PLPPR1: variants seen among roughly 807,000 people sequenced by gnomAD.
PLPPR1 encodes phospholipid phosphatase related 1, also known as phospholipid phosphatase-related protein type 1.
A neutral mutation model predicts 33.1 loss-of-function variants in PLPPR1; 10 were observed. The observed-to-expected ratio is 0.30, with a 90% CI of 0.19 to 0.51. The LOEUF is 0.51. Among genes scored for constraint, PLPPR1 ranks in the 20% least tolerant of loss-of-function variants. PLPPR1 has a pLI of 0.97. For missense variants in PLPPR1, 304 were observed against 408.1 expected (o/e 0.74, Z 2.20); for synonymous variants, 151 against 151.0 (o/e 1.00, Z 0.00).
chr9:101,113,540 A>T (rs1831082681), intron 1 of PLPPR1, among the ~76,000 whole-genome samples: 1 of 152,200 alleles, frequency 6.6e-6, no homozygotes, highest in Admixed American at 6.5e-5. Context: ...CTACAATTAC[A>T]TTCCTAATAG....
chr9:101,115,812 G>A (rs1181131445), intron 1 of PLPPR1, among the ~76,000 whole-genome samples: 1 of 152,088 alleles, frequency 6.6e-6, no homozygotes, highest in African/African-American at 2.4e-5. Flanking sequence ...TTTAATGAAA[G>A]GGATTTCTTG....
intron 1 of PLPPR1, among the ~76,000 whole-genome samples, chr9:101,110,639 T>G (rs1258540084): frequency 1.3e-5 from 2 of 152,194 alleles, no homozygotes; most frequent in Non-Finnish European, 2.9e-5. Context: ...TATAATGTCC[T>G]GATAGTGAAT....
chr9:101,237,881 T>C (rs1247126190), intron 2 of PLPPR1, among the ~76,000 whole-genome samples: 5 of 139,392 alleles, frequency 3.6e-5, no homozygotes, highest in African/African-American at 1.3e-4. Context: ...CACACATATA[T>C]ATATACACAC....
chr9:101,124,444 C>G (rs1831219419), intron 1 of PLPPR1, among the ~76,000 whole-genome samples: 1 of 152,168 alleles, frequency 6.6e-6, no homozygotes, highest in Admixed American at 6.5e-5. Flanking sequence ...TTTCAGCTTC[C>G]TGTGCGGTTT....
intron 1 of PLPPR1, among the ~76,000 whole-genome samples, chr9:101,072,678 A>C (rs1299465142): frequency 6.6e-6 from 1 of 152,134 alleles, no homozygotes; most frequent in Admixed American, 6.6e-5. Context: ...CAAATAATAC[A>C]TTTTTCAAAT....
intron 1 of PLPPR1, among the ~76,000 whole-genome samples, chr9:101,038,266 CT>C (rs1335992017): frequency 6.6e-6 from 1 of 152,064 alleles, no homozygotes; most frequent in Non-Finnish European, 1.5e-5. Flanking sequence ...ATGACTGTTG[CT>C]TTCCATCTTA....
chr9:101,157,137 C>G (rs931400733), intron 1 of PLPPR1, among the ~76,000 whole-genome samples: 8 of 152,164 alleles, frequency 5.3e-5, no homozygotes, highest in Non-Finnish European at 1.0e-4. Context: ...ATGACAGATT[C>G]TAAATACCTA....
chr9:101,226,138 T>G (rs1827063190), intron 2 of PLPPR1, among the ~76,000 whole-genome samples: 1 of 152,178 alleles, frequency 6.6e-6, no homozygotes, highest in Non-Finnish European at 1.5e-5. Flanking sequence ...CTGCTTGCAC[T>G]ATGAACAAGT....
intron 1 of PLPPR1, among the ~76,000 whole-genome samples, chr9:101,117,305 C>T (rs1236060289): frequency 6.6e-6 from 1 of 152,074 alleles, no homozygotes; most frequent in East Asian, 1.9e-4. Context: ...CCAGCCAAAA[C>T]CCACCGAAAC....
intron 1 of PLPPR1, among the ~76,000 whole-genome samples, chr9:101,128,204 AG>A (rs1422758058): frequency 6.6e-6 from 1 of 152,202 alleles, no homozygotes; most frequent in African/African-American, 2.4e-5. Context: ...TAAAGAACCA[AG>A]TGGTCTGTGG....
intron 1 of PLPPR1, among the ~76,000 whole-genome samples, chr9:101,044,672 A>C (rs541824062): frequency 2.4e-4 from 37 of 152,298 alleles, no homozygotes; most frequent in African/African-American, 8.9e-4. Flanking sequence ...AGCAATGTGA[A>C]ACTCAAATTT....
At chr9:101,239,522 A>AAAT (rs1185786275) in intron 2 of PLPPR1, among the ~76,000 whole-genome samples, 2 of 151,984 alleles carry the variant, frequency 1.3e-5, no homozygotes, top group Admixed American at 1.3e-4. Context: ...ACAGTTGAAA[A>AAAT]AATAAGATTT....
chr9:101,074,261 T>G (rs548683582), intron 1 of PLPPR1, among the ~76,000 whole-genome samples: 3 of 152,306 alleles, frequency 2.0e-5, no homozygotes, highest in African/African-American at 4.8e-5. Flanking sequence ...CAAAATCAAG[T>G]ATGACATTGG....
At chr9:101,228,488 C>T (rs748376180) in intron 2 of PLPPR1, among the ~76,000 whole-genome samples, 6 of 151,856 alleles carry the variant, frequency 4.0e-5, no homozygotes, top group African/African-American at 9.7e-5. Flanking sequence ...CACTTAAAAG[C>T]GCGGTGTAAA....
intron 1 of PLPPR1, among the ~76,000 whole-genome samples, chr9:101,142,811 A>G (rs1033220250): frequency 1.3e-5 from 2 of 152,100 alleles, no homozygotes; most frequent in African/African-American, 2.4e-5. Flanking sequence ...CCTGTCCTCA[A>G]GGAGTTCCCA....
intron 1 of PLPPR1, among the ~76,000 whole-genome samples, chr9:101,150,932 C>T (rs1443431371): frequency 3.3e-5 from 5 of 152,002 alleles, no homozygotes; most frequent in Non-Finnish European, 7.4e-5. Context: ...AGTTCTGAGG[C>T]ATACATGTTC....
At chr9:101,269,744 C>T (rs776460568) in intron 2 of PLPPR1, 136 bp from the exon 3 acceptor site, 27 of 778,848 alleles carry the variant, frequency 3.5e-5, no homozygotes, top group Non-Finnish European at 5.1e-5. Flanking sequence ...GAGCACGCTG[C>T]GCCTGGCACG....
intron 2 of PLPPR1, among the ~76,000 whole-genome samples, chr9:101,228,816 C>T (rs958667241): frequency 2.6e-5 from 4 of 151,840 alleles, no homozygotes; most frequent in East Asian, 1.9e-4. Flanking sequence ...AAGTAGCAGC[C>T]GAATTTTTGG....
intron 2 of PLPPR1, among the ~76,000 whole-genome samples, chr9:101,249,209 T>G (rs1441596689): frequency 6.6e-6 from 1 of 152,138 alleles, no homozygotes; most frequent in Non-Finnish European, 1.5e-5. Flanking sequence ...CAGTATCTCA[T>G]GCTAGATTGC....
Sources: gnomAD v4.1 joint callset for allele counts (sites outside exome capture counted in the v4.1 genomes callset) on GRCh38, gnomAD v4.1.1 for gene constraint, MANE v1.5 for transcripts, NCBI Gene and HGNC (gene_info 2026-07-23, HGNC 2026-07-21) for gene names.